Variants in GRIA4 observed in about 807,000 individuals in gnomAD.
GRIA4 encodes glutamate receptor 4.
GRIA4 carries 34 observed loss-of-function variants against 104.0 expected under a neutral mutation model. That is an observed-to-expected ratio of 0.33 (90% CI 0.25 to 0.44). The LOEUF (loss-of-function observed/expected upper bound fraction) is 0.44, where lower values mean the gene tolerates loss of function less well. Ranked by LOEUF, GRIA4 falls within the 20% of genes least tolerant of loss-of-function variation. The probability of loss-of-function intolerance (pLI) is 1.00; values close to 1 mark genes in which losing one functional copy is unlikely to be tolerated. For missense variants in GRIA4, 750 were observed against 1,096.5 expected (o/e 0.68, Z 4.46); for synonymous variants, 386 against 381.9 (o/e 1.01, Z -0.13).
chr11:105,690,383 CTT>C (rs1401864299), intron 3 of GRIA4, among the ~76,000 whole-genome samples: 1 of 152,146 alleles, frequency 6.6e-6, no homozygotes, highest in Admixed American at 6.5e-5. Context: ...TTTGGACAAA[CTT>C]AATATTTGAA....
At chr11:105,793,026 T>C (rs1171035291) in intron 4 of GRIA4, among the ~76,000 whole-genome samples, 2 of 152,194 alleles carry the variant, frequency 1.3e-5, no homozygotes, top group African/African-American at 2.4e-5. Context: ...TATTCTCTTA[T>C]TTAAGGAAAA....
chr11:105,936,109 C>A (rs532707403), intron 14 of GRIA4, among the ~76,000 whole-genome samples: 1 of 152,122 alleles, frequency 6.6e-6, no homozygotes, highest in Non-Finnish European at 1.5e-5. Flanking sequence ...CCAGCATGCA[C>A]CTCACCCCAC....
intron 5 of GRIA4, among the ~76,000 whole-genome samples, chr11:105,884,688 T>G (rs1344119658): frequency 6.6e-6 from 1 of 152,200 alleles, no homozygotes; most frequent in Non-Finnish European, 1.5e-5. Context: ...CAAGACCTTT[T>G]GTGCCAGGAA....
At chr11:105,692,144 G>C (rs1327747923) in intron 3 of GRIA4, among the ~76,000 whole-genome samples, 1 of 151,700 alleles carries the variant, frequency 6.6e-6, no homozygotes, top group East Asian at 1.9e-4. Context: ...GATGATGACA[G>C]TGACGACAAC....
In GRIA4 at chr11:105,791,554, C is replaced by T. The variant is rs531386084; in HGVS notation, c.487+38334C>T. On this transcript the variant is annotated intron_variant, in intron 4 of 16. Coordinates refer to ENST00000282499, the MANE Select transcript of GRIA4 (RefSeq NM_000829.4). ...AATTCTTAGTGATTGTTTCTCTTAC[C>T]AGTTTCTAAATGTGCCATGGAGTGC... 1.2e-3 allele frequency among the ~76,000 whole-genome samples: 186 copies of T among 152,162 alleles called. 1 individual carries two copies. Among genetic ancestry groups the T allele is most frequent in the Non-Finnish European group, 2.4e-3 (166 of 68,006 alleles).
intron 3 of GRIA4, among the ~76,000 whole-genome samples, chr11:105,635,339 G>A (rs181385990): frequency 9.2e-5 from 14 of 152,064 alleles, no homozygotes; most frequent in African/African-American, 2.9e-4. Flanking sequence ...TTGTGACTTG[G>A]AAGAAAAAAG....
intron 4 of GRIA4, among the ~76,000 whole-genome samples, chr11:105,814,608 T>C (rs1230164830): frequency 6.6e-6 from 1 of 152,104 alleles, no homozygotes; most frequent in Admixed American, 6.6e-5. Flanking sequence ...AAATGCGTAG[T>C]AGAGTGACAG....
chr11:105,749,447 C>G (rs1939867903), intron 3 of GRIA4, among the ~76,000 whole-genome samples: 1 of 152,092 alleles, frequency 6.6e-6, no homozygotes, highest in South Asian at 2.1e-4. Flanking sequence ...ACTGAAGATA[C>G]AGGAGAAAGA....
rs1324622451 is a variant in GRIA4 at position 105,680,833 on chromosome 11, G to A, written c.247+68399G>A. 2.6e-5 allele frequency among the ~76,000 whole-genome samples: 4 copies of A among 152,006 alleles called. No individual in the cohort carries two copies. The East Asian group carries it at 5.8e-4, about 22-fold the overall frequency. On this transcript the variant is annotated intron_variant, in intron 3 of 16. Transcript: ENST00000282499. The stretch of plus-strand genomic sequence containing the variant: ...CCTATTTTACAAGTATCCATCTCAG[G>A]GTAGATGACAAGCCACAATTACAAG...
chr11:105,914,010 A>T (rs889463093), intron 10 of GRIA4, among the ~76,000 whole-genome samples: 1 of 151,900 alleles, frequency 6.6e-6, no homozygotes. Flanking sequence ...TGCACTATAC[A>T]TATATATGTG....
intron 3 of GRIA4, among the ~76,000 whole-genome samples, chr11:105,673,771 CGTTT>C (rs1952448934): frequency 6.6e-6 from 1 of 151,586 alleles, no homozygotes; most frequent in African/African-American, 2.4e-5. Context: ...ATTGAATTAA[CGTTT>C]GTTTAATAAA....
At chr11:105,612,032 T>C (rs1950494927) in intron 2 of GRIA4, among the ~76,000 whole-genome samples, 1 of 152,166 alleles carries the variant, frequency 6.6e-6, no homozygotes, top group African/African-American at 2.4e-5. Context: ...GAAAGGAACA[T>C]TCACTAAATG....
At chr11:105,940,673 T>C (rs1247130094) in intron 14 of GRIA4, among the ~76,000 whole-genome samples, 1 of 152,148 alleles carries the variant, frequency 6.6e-6, no homozygotes, top group African/African-American at 2.4e-5. Context: ...CATAAGTAAA[T>C]AATGGTTTTC....
intron 3 of GRIA4, among the ~76,000 whole-genome samples, chr11:105,681,749 T>G (rs894039768): frequency 6.6e-6 from 1 of 152,172 alleles, no homozygotes; most frequent in Non-Finnish European, 1.5e-5. Context: ...ATAAAATATT[T>G]GATTAAAAAC....
chr11:105,914,015 T>C (rs1190287808), intron 10 of GRIA4, among the ~76,000 whole-genome samples: 2 of 151,884 alleles, frequency 1.3e-5, no homozygotes, highest in Non-Finnish European at 2.9e-5. Context: ...TATACATATA[T>C]ATGTGCATTA....
At position 105,719,665 on chromosome 11, in the gene GRIA4, G is replaced by A. The variant is rs141064568; in HGVS notation, c.248-33316G>A. On this transcript the variant is annotated intron_variant, in intron 3 of 16. Transcript: ENST00000282499. ...CTCATGACTCATGGGGCTTTTCTCC[G>A]TGAAGTCCCTGAGTAAAGGGACATA... Among the ~76,000 whole-genome samples, 117 of 151,962 alleles carry A rather than the reference G, an allele frequency of 7.7e-4. 1 individual carries two copies. In the East Asian group the frequency reaches 0.017, roughly 21 times the overall value.
intron 4 of GRIA4, among the ~76,000 whole-genome samples, chr11:105,799,569 A>T (rs1213574958): frequency 1.3e-5 from 2 of 152,100 alleles, no homozygotes; most frequent in Non-Finnish European, 2.9e-5. Context: ...GTAGACATAA[A>T]GGATTTGGCC....
intron 3 of GRIA4, among the ~76,000 whole-genome samples, chr11:105,689,893 T>C (rs945093780): frequency 2.6e-5 from 4 of 152,206 alleles, no homozygotes; most frequent in Non-Finnish European, 5.9e-5. Context: ...TAGCAGATAC[T>C]GGGAAGCACG....
intron 14 of GRIA4, chr11:105,965,988 G>A: frequency 6.2e-7 from 1 of 1,613,414 alleles, no homozygotes; most frequent in Non-Finnish European, 8.5e-7. Flanking sequence ...AATGAACAAG[G>A]CCTCTTGGAC....
Sources: allele counts gnomAD v4.1 joint callset (sites outside exome capture counted in the v4.1 genomes callset), GRCh38; gene constraint gnomAD v4.1.1; transcripts MANE v1.5; gene names NCBI Gene and HGNC (gene_info 2026-07-23, HGNC 2026-07-21).